PAPOLG: variants seen among roughly 807,000 people sequenced by gnomAD.
The protein encoded by PAPOLG is PAP-gamma.
A neutral mutation model predicts 99.0 loss-of-function variants in PAPOLG; 40 were observed. The observed-to-expected ratio is 0.40, with a 90% CI of 0.31 to 0.53. The LOEUF is 0.53. PAPOLG is among the 20% of genes least tolerant of loss of function. The pLI, the probability that PAPOLG is intolerant of heterozygous loss-of-function variation, is 0.41. For synonymous variants in PAPOLG, 310 were observed against 299.3 expected (o/e 1.04, Z -0.37); for missense variants, 675 against 884.1 (o/e 0.76, Z 3.00).
In PAPOLG at chr2:60,775,061, A is replaced by T. The variant is rs1177716289; in HGVS notation, c.632A>T (p.His211Leu). The change falls in exon 8 of 22, where the codon CAT (histidine) becomes CTT (leucine). Residue 211 changes from histidine to leucine, a missense_variant. His to Leu is a moderately conservative substitution (Grantham distance 99). Transcript: ENST00000238714. ...TGTAGAGTTACTGATGAAATTTTGCATTTAGTGCCAAATAAAGAAACTTTT... is the reference window on the plus strand; with the variant it reads ...TGTAGAGTTACTGATGAAATTTTGCTTTTAGTGCCAAATAAAGAAACTTTT... The part of the protein sequence containing the change: ...NGCRVTDEIL[H>L]LVPNKETFRL... The T allele has an allele frequency of 6.2e-7, 1 of 1,613,296 alleles. No individual in the cohort carries two copies. The highest frequency in any genetic ancestry group is 8.5e-7 in the Non-Finnish European group (1 of 1,179,814).
At chr2:60,780,080 T>C (rs894672570) in intron 9 of PAPOLG, among the ~76,000 whole-genome samples, 1 of 152,222 alleles carries the variant, frequency 6.6e-6, no homozygotes, top group Non-Finnish European at 1.5e-5. Context: ...ATAATCACAT[T>C]GATATATTAG....
rs553677801 is a variant in PAPOLG at position 60,792,951 on chromosome 2, G to A, written c.1679+662G>A. ...CTTGGGAGGCTGAGGCAGGAGAATCGCTTGAACCCAGGAGGTGGAGGTTGC... is the reference window on the plus strand; with the variant it reads ...CTTGGGAGGCTGAGGCAGGAGAATCACTTGAACCCAGGAGGTGGAGGTTGC... On this transcript the variant is annotated intron_variant, in intron 17 of 21. Coordinates refer to ENST00000238714, the MANE Select transcript of PAPOLG (RefSeq NM_022894.4). 1.1e-4 allele frequency among the ~76,000 whole-genome samples: 16 copies of A among 152,220 alleles called. No homozygotes were observed. The Middle Eastern group carries it at 0.017, about 162-fold the overall frequency.
At chr2:60,780,673 T>A in intron 9 of PAPOLG, 34 bp from the exon 10 acceptor site, 1 of 1,605,088 alleles carries the variant, frequency 6.2e-7, no homozygotes, top group Non-Finnish European at 8.5e-7. Flanking sequence ...TGAAGTGAGA[T>A]CATGTGTAAG....
At chr2:60,784,004 C>T (rs1227964370) in intron 13 of PAPOLG, among the ~76,000 whole-genome samples, 2 of 152,154 alleles carry the variant, frequency 1.3e-5, no homozygotes, top group African/African-American at 4.8e-5. Context: ...GACGGAGTCT[C>T]GCTGTGTTGC....
At chr2:60,775,219 T>C (rs897383974) in intron 8 of PAPOLG, 96 bp downstream of exon 8, 1 of 1,376,496 alleles carries the variant, frequency 7.3e-7, no homozygotes, top group Non-Finnish European at 9.8e-7. Flanking sequence ...CCTAATGATA[T>C]TGTTGGAGGT....
Position 60,761,753 on chromosome 2 carries a change from T to C in PAPOLG, c.192T>C (p.Leu64=). 3.1e-6 allele frequency: 5 copies of C among 1,604,912 alleles called. No individual in the cohort carries two copies. The South Asian group carries it at 5.5e-5, about 18-fold the overall frequency. ...EEELNHRLVV[L]GKLNNLVKEW... ...TTTTTTTTTATAGGCTGGTGGTTCT[T>C]GGTAAATTGAACAATTTAGTAAAAG... The change falls in exon 3 of 22, where the codon CTT becomes CTC. Residue 64 remains leucine (L), a synonymous_variant. Transcript: ENST00000238714.
chr2:60,769,744 G>T (rs1289136273), intron 5 of PAPOLG, among the ~76,000 whole-genome samples: 6 of 151,726 alleles, frequency 4.0e-5, no homozygotes, highest in Non-Finnish European at 2.9e-5. Flanking sequence ...GCAGGTTTTT[G>T]TTTTTTTGTT....
At chr2:60,763,946 G>T (rs1043336384) in intron 3 of PAPOLG, among the ~76,000 whole-genome samples, 2 of 152,000 alleles carry the variant, frequency 1.3e-5, no homozygotes, top group African/African-American at 4.8e-5. Flanking sequence ...GGGATTACAG[G>T]TGCACGCCAC....
rs372194311 is a variant in PAPOLG at position 60,767,331 on chromosome 2, T to C, written c.247-1139T>C. Among the ~76,000 whole-genome samples, 20 of 152,094 alleles carry C rather than the reference T, an allele frequency of 1.3e-4. 1 individual carries two copies. In the South Asian group the frequency reaches 3.9e-3, roughly 30 times the overall value. ...TCTCAAGAGGTGAAAATTAGCTTTT[T>C]TTTCTTTTTCTTTCTTTTTTTTTTT... On this transcript the variant is annotated intron_variant, in intron 3 of 21. Coordinates refer to ENST00000238714, the MANE Select transcript of PAPOLG (RefSeq NM_022894.4).
intron 2 of PAPOLG, among the ~76,000 whole-genome samples, chr2:60,760,857 G>C (rs1670502204): frequency 1.3e-5 from 2 of 152,158 alleles, no homozygotes; most frequent in African/African-American, 2.4e-5. Context: ...AGATTGACAT[G>C]ATGACTTAAA....
intron 14 of PAPOLG, 166 bp from the exon 15 acceptor site, chr2:60,787,345 G>C (rs1010710108): frequency 7.0e-6 from 3 of 427,134 alleles, no homozygotes; most frequent in African/African-American, 4.3e-5. Flanking sequence ...AACAACAGGG[G>C]ATAACTTACC....
intron 21 of PAPOLG, 47 bp from the exon 22 acceptor site, chr2:60,797,015 A>T: frequency 6.2e-7 from 1 of 1,610,326 alleles, no homozygotes; most frequent in Non-Finnish European, 8.5e-7. Flanking sequence ...CCTTTATAAT[A>T]TATATGATGT....
chr2:60,787,093 A>C, intron 14 of PAPOLG, 27 bp downstream of exon 14: 1 of 1,520,852 alleles, frequency 6.6e-7, no homozygotes, highest in Non-Finnish European at 8.9e-7. Flanking sequence ...ATAATACTTT[A>C]TTTCTTAAAT....
chr2:60,770,028 T>C (rs985662702), intron 5 of PAPOLG, among the ~76,000 whole-genome samples: 3 of 152,076 alleles, frequency 2.0e-5, no homozygotes, highest in Non-Finnish European at 4.4e-5. Flanking sequence ...TGTTTGGTTT[T>C]CTGTTCCTAT....
chr2:60,790,473 T>C (rs1671497659), intron 15 of PAPOLG, among the ~76,000 whole-genome samples: 1 of 152,184 alleles, frequency 6.6e-6, no homozygotes, highest in East Asian at 1.9e-4. Context: ...ATTAAGAAAT[T>C]TGTGTGGTAG....
chr2:60,774,967 TAGG>T (rs1670972849), intron 7 of PAPOLG, 64 bp from the exon 8 acceptor site: 4 of 1,600,104 alleles, frequency 2.5e-6, no homozygotes, highest in East Asian at 4.5e-5. Context: ...GTCTGGAAGT[TAGG>T]AGGGCATTTG....
At position 60,780,630 on chromosome 2, in the gene PAPOLG, C is replaced by T; in HGVS notation, c.834-77C>T. The T allele has an allele frequency of 2.1e-6, 3 of 1,437,982 alleles. No individual in the cohort carries two copies. In the Admixed American group the frequency reaches 5.3e-5, roughly 25 times the overall value. The allele number at this position is 1,437,982 out of a possible 1,614,324, so 89.1% of individuals were successfully genotyped here. Reference sequence around the variant, plus strand: ...ACATTCACTCTGTAGAAGGTTAGAACAATCTAATAATTATAAAGTTTCATG... The same window carrying T: ...ACATTCACTCTGTAGAAGGTTAGAATAATCTAATAATTATAAAGTTTCATG... On this transcript the variant is annotated intron_variant, in intron 9 of 21. Transcript: ENST00000238714.
chr2:60,791,509 G>T (rs1438632176), intron 15 of PAPOLG: 1 of 243,440 alleles, frequency 4.1e-6, no homozygotes, highest in Non-Finnish European at 8.0e-6. Flanking sequence ...CTGAGATTGC[G>T]CCATTGCACT....
At chr2:60,775,356 C>T (rs1367217322) in intron 8 of PAPOLG, among the ~76,000 whole-genome samples, 1 of 152,204 alleles carries the variant, frequency 6.6e-6, no homozygotes, top group Admixed American at 6.5e-5. Flanking sequence ...ATCTTAGGTT[C>T]AGTCAGGCAG....
Sources: allele counts gnomAD v4.1 joint callset (sites outside exome capture counted in the v4.1 genomes callset), GRCh38; gene constraint gnomAD v4.1.1; transcripts MANE v1.5; gene names NCBI Gene and HGNC (gene_info 2026-07-23, HGNC 2026-07-21).